Variants in USP34 observed in about 807,000 individuals in gnomAD.
USP34 encodes the protein ubiquitin specific peptidase 34.
In USP34, 70 loss-of-function variants were observed where a neutral mutation model predicts 460.3. That is an observed-to-expected ratio of 0.15 (90% CI 0.13 to 0.19). The LOEUF (loss-of-function observed/expected upper bound fraction) is 0.19, where lower values mean the gene tolerates loss of function less well. USP34 is among the 10% of genes least tolerant of loss of function. The pLI, the probability that USP34 is intolerant of heterozygous loss-of-function variation, is 1.00. For missense variants in USP34, 3,985 were observed against 4,236.2 expected, an observed-to-expected ratio of 0.94 and a Z score of 1.65; for synonymous variants, 1,647 against 1,405.3, an observed-to-expected ratio of 1.17 and a Z score of -3.85.
rs1248918192 is a variant in USP34, at chr2:61,383,110, C to T, written c.821+159G>A. On this transcript the variant is annotated intron_variant, in intron 6 of 79. Coordinates refer to ENST00000398571, the MANE Select transcript of USP34 (RefSeq NM_014709.4). ...AAAAAGTAACCATTAAATATAAATCCATATATGTGCATAAAAAACACTATA... is the reference window on the plus strand; with the variant it reads ...AAAAAGTAACCATTAAATATAAATCTATATATGTGCATAAAAAACACTATA... 2.0e-5 allele frequency among the ~76,000 whole-genome samples: 3 copies of T among 152,090 alleles called. No homozygotes were observed. In the East Asian group the frequency reaches 5.8e-4, roughly 29 times the overall value.
chr2:61,348,910 T>C (rs765086143), intron 13 of USP34, 24 bp from the exon 14 acceptor site: 1 of 1,586,506 alleles, frequency 6.3e-7, no homozygotes, highest in African/African-American at 1.4e-5. Flanking sequence ...ATTTTTTGTT[T>C]TTACTTCTAA....
intron 1 of USP34, among the ~76,000 whole-genome samples, chr2:61,442,067 T>A (rs1300161136): frequency 6.6e-6 from 1 of 151,990 alleles, no homozygotes; most frequent in African/African-American, 2.4e-5. Flanking sequence ...AAACTGGACA[T>A]CCATAGGCAC....
chr2:61,339,687 G>GAT lies in USP34; in HGVS notation c.2501-7_2501-6insAT. On this transcript the variant is annotated splice_region_variant and splice_polypyrimidine_tract_variant and intron_variant, in intron 16 of 79. Transcript: ENST00000398571. ...ATGTTTATGAACTACAGGTCCTGAA[G>GAT]AGAAAAAAAAAAAAAAGACACACTA... The GAT allele has an allele frequency of 8.0e-7, 1 of 1,257,082 alleles. No individual in the cohort carries two copies. Among genetic ancestry groups the GAT allele is most frequent in the Non-Finnish European group, 1.0e-6 (1 of 961,298 alleles). The allele number at this position is 1,257,082 out of a possible 1,614,324, so 77.9% of individuals were successfully genotyped here.
rs35331685 is a variant in USP34 at position 61,464,717 on chromosome 2, C to CAAAAAA, written c.43+5927_43+5932dup. On this transcript the variant is annotated intron_variant, in intron 1 of 79. Coordinates refer to ENST00000398571, the MANE Select transcript of USP34 (RefSeq NM_014709.4). ...TGGGCGAAAGAGCGAGACTCCGTCT[C>CAAAAAA]AAAAAAAAAAAAAAAAAAAAAAAGA... Among the ~76,000 whole-genome samples the CAAAAAA allele has an allele frequency of 3.6e-4, 28 of 77,966 alleles. 1 individual carries two copies. The highest frequency in any genetic ancestry group is 2.2e-3 in the South Asian group (4 of 1,824). 51.1% of individuals were successfully genotyped at this position (77,966 alleles called of 152,430 possible). A position where few individuals can be genotyped will look rare whatever the true frequency, so the allele number is the denominator to read the frequency against.
intron 58 of USP34, among the ~76,000 whole-genome samples, chr2:61,231,700 C>T (rs1036437440): frequency 6.6e-6 from 1 of 151,578 alleles, no homozygotes; most frequent in African/African-American, 2.4e-5. Flanking sequence ...GGTGACAGAA[C>T]AAGACTCTGT....
intron 57 of USP34, among the ~76,000 whole-genome samples, chr2:61,233,014 A>G (rs1299463204): frequency 6.6e-6 from 1 of 151,284 alleles, no homozygotes; most frequent in East Asian, 1.9e-4. Flanking sequence ...CACGCACCAC[A>G]ATCCCTGGCT....
chr2:61,404,337 G>C (rs1023432154), intron 3 of USP34, among the ~76,000 whole-genome samples: 1 of 152,042 alleles, frequency 6.6e-6, no homozygotes, highest in Non-Finnish European at 1.5e-5. Flanking sequence ...GGATGCACAG[G>C]AAACAATGTA....
At chr2:61,334,884 T>C (rs982099828) in intron 18 of USP34, among the ~76,000 whole-genome samples, 4 of 152,184 alleles carry the variant, frequency 2.6e-5, no homozygotes, top group Admixed American at 6.5e-5. Context: ...GAGGAATAAT[T>C]ACATTATACA....
chr2:61,377,664 C>A (rs1407746120), intron 8 of USP34, among the ~76,000 whole-genome samples: 1 of 152,160 alleles, frequency 6.6e-6, no homozygotes, highest in African/African-American at 2.4e-5. Context: ...ATGCTGCCAA[C>A]AACCTGATCT....
In USP34 at chr2:61,325,457, C is replaced by T; in HGVS notation, c.2931G>A (p.Leu977=). The change falls in exon 21 of 80, where the codon CTG becomes CTA. Residue 977 remains leucine, a splice_region_variant and synonymous_variant. Coordinates refer to ENST00000398571, the MANE Select transcript of USP34 (RefSeq NM_014709.4). Reference sequence around the variant, plus strand: ...CTTGAACTTCAGCACTATGGCTGTACCTATAATTTAAAAGTCATTAAAATA... The same window carrying T: ...CTTGAACTTCAGCACTATGGCTGTATCTATAATTTAAAAGTCATTAAAATA... ...TVREGRQKHA[L]YSHSAEVQVR... 6.6e-7 allele frequency: 1 copy of T among 1,517,776 alleles called. No individual in the cohort carries two copies. The highest frequency in any genetic ancestry group is 8.8e-7 in the Non-Finnish European group (1 of 1,140,550). The allele number at this position is 1,517,776 out of a possible 1,614,324, so 94.0% of individuals were successfully genotyped here.
At chr2:61,441,297 C>T (rs1694956937) in intron 1 of USP34, among the ~76,000 whole-genome samples, 2 of 151,986 alleles carry the variant, frequency 1.3e-5, no homozygotes, top group Admixed American at 6.6e-5. Context: ...CCCACCACAC[C>T]CAGGCTCTGC....
intron 6 of USP34, among the ~76,000 whole-genome samples, chr2:61,381,505 A>AT (rs887611661): frequency 6.6e-6 from 1 of 151,576 alleles, no homozygotes; most frequent in African/African-American, 2.4e-5. Flanking sequence ...CGACCACCTA[A>AT]TTTTCTTCTG....
intron 10 of USP34, among the ~76,000 whole-genome samples, chr2:61,369,419 C>T (rs140701138): frequency 7.9e-5 from 12 of 151,928 alleles, no homozygotes; most frequent in East Asian, 3.9e-4. Context: ...CCGAGGTGGG[C>T]GGATCATGAG....
chr2:61,296,330 C>A (rs1285558513), intron 30 of USP34, among the ~76,000 whole-genome samples: 1 of 152,092 alleles, frequency 6.6e-6, no homozygotes, highest in African/African-American at 2.4e-5. Context: ...ATACCCAACA[C>A]ACATGTGAGG....
At chr2:61,300,637 A>G (rs949446558) in intron 29 of USP34, among the ~76,000 whole-genome samples, 1 of 151,568 alleles carries the variant, frequency 6.6e-6, no homozygotes, top group Admixed American at 6.6e-5. Context: ...CTCTACTAGA[A>G]ATGCAAAAAT....
At chr2:61,227,272 G>T in intron 61 of USP34, 54 bp from the exon 62 acceptor site, 1 of 1,539,028 alleles carries the variant, frequency 6.5e-7, no homozygotes, top group Non-Finnish European at 8.8e-7. Flanking sequence ...ATATCATTTT[G>T]AGAACAAATG....
intron 51 of USP34, among the ~76,000 whole-genome samples, chr2:61,244,228 A>G (rs1302650675): frequency 6.6e-6 from 1 of 152,248 alleles, no homozygotes; most frequent in Non-Finnish European, 1.5e-5. Flanking sequence ...AATCAAGAGA[A>G]TATTTTAAAA....
At chr2:61,395,740 C>A (rs1693500398) in intron 3 of USP34, among the ~76,000 whole-genome samples, 1 of 135,548 alleles carries the variant, frequency 7.4e-6, no homozygotes, top group African/African-American at 3.0e-5. Context: ...GAGCGGAGAT[C>A]GCGCCACAGC....
chr2:61,201,924 G>C (rs971085397), intron 75 of USP34, among the ~76,000 whole-genome samples: 8 of 152,170 alleles, frequency 5.3e-5, no homozygotes, highest in Non-Finnish European at 1.0e-4. Flanking sequence ...TACTGCCAAT[G>C]ATGGGTTTTG....
Sources: allele counts gnomAD v4.1 joint callset (sites outside exome capture counted in the v4.1 genomes callset), GRCh38; gene constraint gnomAD v4.1.1; transcripts MANE v1.5; gene names NCBI Gene and HGNC (gene_info 2026-07-23, HGNC 2026-07-21).